The following AFP variants were observed in gnomAD, a reference collection of about 807,000 sequenced individuals.
AFP encodes alpha-fetoprotein.
AFP carries 64 observed loss-of-function variants against 78.9 expected under a neutral mutation model. The observed-to-expected ratio is 0.81, with a 90% CI of 0.66 to 1.00. AFP has a LOEUF of 1.00. Among genes scored for constraint, AFP ranks in the 50% least tolerant of loss-of-function variants. AFP has a pLI of 0.00. For missense variants in AFP, 689 were observed against 703.8 expected (o/e 0.98, Z 0.24); for synonymous variants, 254 against 243.8 (o/e 1.04, Z -0.39).
At chr4:73,440,516 T>G (rs998037874) in intron 3 of AFP, 86 bp from the exon 4 acceptor site, 4 of 1,093,802 alleles carry the variant, frequency 3.7e-6, no homozygotes, top group Non-Finnish European at 5.5e-6. Flanking sequence ...GTTCTGATTT[T>G]AGACATTAGA....
At position 73,447,475 on chromosome 4, in the gene AFP, C is replaced by T. The variant is rs1027150427; in HGVS notation, c.857C>T (p.Ser286Phe). The T allele has an allele frequency of 6.2e-7, 1 of 1,607,474 alleles. No individual in the cohort carries two copies. Among genetic ancestry groups the T allele is most frequent in the Non-Finnish European group, 8.5e-7 (1 of 1,176,866 alleles). The change falls in exon 8 of 15, where the codon TCC becomes TTC. Residue 286 changes from serine to phenylalanine, a missense_variant. By Grantham distance (155) the Ser-to-Phe change is radical (BLOSUM62 -2). Coordinates refer to ENST00000395792, the MANE Select transcript of AFP (RefSeq NM_001134.3). ...TCTCTGTTGCAGGAAAAAATCATGT[C>T]CTACATATGTTCTCAACAAGACACT... ...DCLQDGEKIM[S>F]YICSQQDTLS...
In AFP at chr4:73,438,204, A is replaced by G. The variant is rs1054237557; in HGVS notation, c.168A>G (p.Gln56=). Residue 56 remains glutamine, a synonymous_variant, in exon 3 of 15, where the codon CAA becomes CAG. Coordinates refer to ENST00000395792, the MANE Select transcript of AFP (RefSeq NM_001134.3). ...CCATATTTTTTGCCCAGTTTGTTCAAGAAGCCACTTACAAGGAAGTAAGCA... is the reference window on the plus strand; with the variant it reads ...CCATATTTTTTGCCCAGTTTGTTCAGGAAGCCACTTACAAGGAAGTAAGCA... ...LATIFFAQFV[Q]EATYKEVSKM... 1 of 1,613,532 alleles carries G rather than the reference A, an allele frequency of 6.2e-7. No homozygotes were observed. Among genetic ancestry groups the G allele is most frequent in the Non-Finnish European group, 8.5e-7 (1 of 1,179,532 alleles).
chr4:73,436,234 C>G lies in AFP; in HGVS notation c.-29C>G. The G allele has an allele frequency of 6.9e-7, 1 of 1,445,372 alleles. No individual in the cohort carries two copies. Among genetic ancestry groups the G allele is most frequent in the Non-Finnish European group, 9.7e-7 (1 of 1,028,900 alleles). 89.5% of individuals were successfully genotyped at this position (1,445,372 alleles called of 1,614,324 possible). On this transcript the variant is annotated 5_prime_UTR_variant, in exon 1 of 15. Coordinates refer to ENST00000395792, the MANE Select transcript of AFP (RefSeq NM_001134.3). ...ATGATTTTCCATATTGTGCTTCCAC[C>G]ACTGCCAATAACAAAATAACTAGCA...
chr4:73,445,442 TTTTCATTCATTTATTC>T (rs1371396395), intron 7 of AFP, among the ~76,000 whole-genome samples: 1 of 152,224 alleles, frequency 6.6e-6, no homozygotes, highest in African/African-American at 2.4e-5. Flanking sequence ...TGTATTTATT[TTTTCATTCATTTATTC>T]TTTCATTTGA....
rs747788767 is a variant in AFP at position 73,447,470 on chromosome 4, C to A, written c.852C>A (p.Ile284=). Residue 284 remains isoleucine, a synonymous_variant, in exon 8 of 15, where the codon ATC becomes ATA. Coordinates refer to ENST00000395792, the MANE Select transcript of AFP (RefSeq NM_001134.3). ...VLDCLQDGEK[I]MSYICSQQDT... ...TATTTTCTCTGTTGCAGGAAAAAAT[C>A]ATGTCCTACATATGTTCTCAACAAG... The A allele has an allele frequency of 1.6e-5, 25 of 1,603,516 alleles. No individual in the cohort carries two copies. The highest frequency in any genetic ancestry group is 2.0e-5 in the Non-Finnish European group (23 of 1,174,960).
At chr4:73,447,729 G>C in intron 8 of AFP, 53 bp downstream of exon 8, 1 of 1,435,162 alleles carries the variant, frequency 7.0e-7, no homozygotes, top group Non-Finnish European at 9.8e-7. Flanking sequence ...TTATGTGGCT[G>C]ACAGATTTGC....
At chr4:73,450,405 T>C (rs1719958687) in intron 10 of AFP, 1 of 703,846 alleles carries the variant, frequency 1.4e-6, no homozygotes, top group Non-Finnish European at 2.3e-6. Context: ...AGTTTGCTTT[T>C]TCATTGTGAT....
Position 73,443,452 on chromosome 4 carries a change from C to T in AFP, c.713+8C>T. Reference sequence around the variant, plus strand: ...CCGAACTTTCCAAGCCATGTAAGTTCAAGTTCTATCTAGGGAAGAGGGTGA... The same window carrying T: ...CCGAACTTTCCAAGCCATGTAAGTTTAAGTTCTATCTAGGGAAGAGGGTGA... On this transcript the variant is annotated splice_region_variant and intron_variant, in intron 6 of 14. Coordinates refer to ENST00000395792, the MANE Select transcript of AFP (RefSeq NM_001134.3). The T allele has an allele frequency of 6.3e-7, 1 of 1,587,704 alleles. No individual in the cohort carries two copies. The highest frequency in any genetic ancestry group is 8.6e-7 in the Non-Finnish European group (1 of 1,156,110).
chr4:73,447,651 G>A lies in AFP; in HGVS notation c.1033G>A (p.Gly345Arg). ...TAGAGATTTTAACCAATTTTCTTCA[G>A]GGGAAAAAAATATCTTCTTGGCAAG... Reference protein sequence around the residue: ...GDRDFNQFSSGEKNIFLASFV... With the variant: ...GDRDFNQFSSREKNIFLASFV... Residue 345 changes from glycine to arginine, a missense_variant, in exon 8 of 15, where the codon GGG becomes AGG. Coordinates refer to ENST00000395792, the MANE Select transcript of AFP (RefSeq NM_001134.3). The A allele has an allele frequency of 6.2e-7, 1 of 1,611,074 alleles. No individual in the cohort carries two copies. The highest frequency in any genetic ancestry group is 2.2e-5 in the East Asian group (1 of 44,854).
At chr4:73,447,431 T>C in intron 7 of AFP, 31 bp from the exon 8 acceptor site, 1 of 1,514,482 alleles carries the variant, frequency 6.6e-7, no homozygotes, top group Non-Finnish European at 9.0e-7. Context: ...AATAAATCTT[T>C]AAAACTTATA....
At chr4:73,442,125 T>C (rs1666747743) in intron 4 of AFP, among the ~76,000 whole-genome samples, 171 bp from the exon 5 acceptor site, 1 of 152,186 alleles carries the variant, frequency 6.6e-6, no homozygotes, top group Admixed American at 6.5e-5. Flanking sequence ...TTTGACAACA[T>C]GTGGAAAAAA....
At chr4:73,436,378 C>G in intron 1 of AFP, 31 bp downstream of exon 1, 1 of 1,288,784 alleles carries the variant, frequency 7.8e-7, no homozygotes, top group Non-Finnish European at 1.1e-6. Context: ...CTTGTCTTTT[C>G]TCTATATCAA....
intron 6 of AFP, among the ~76,000 whole-genome samples, chr4:73,444,780 C>T (rs1577954809): frequency 6.6e-6 from 1 of 152,196 alleles, no homozygotes; most frequent in East Asian, 1.9e-4. Context: ...TATTTCTAAA[C>T]CATTTGTGGG....
Position 73,442,418 on chromosome 4 carries a change from T to C in AFP, c.605T>C (p.Phe202Ser), listed in dbSNP as rs748674596. 3.7e-6 allele frequency: 6 copies of C among 1,614,016 alleles called. 1 individual carries two copies. Among genetic ancestry groups the C allele is most frequent in the Non-Finnish European group, 5.1e-6 (6 of 1,179,968 alleles). The change falls in exon 5 of 15, where the codon TTC becomes TCC. Residue 202 changes from phenylalanine (F) to serine (S), a missense_variant. Transcript: ENST00000395792. ...CCKAENAVEC[F>S]QTKAATVTKE... is the part of the protein sequence containing the mutation. Reference sequence around the variant, plus strand: ...AAAGCTGAAAATGCAGTTGAATGCTTCCAAACAAAGGTATCATATTTGCGT... The same window carrying C: ...AAAGCTGAAAATGCAGTTGAATGCTCCCAAACAAAGGTATCATATTTGCGT...
rs1435119057 is a variant in AFP at position 73,451,464 on chromosome 4, C to T, written c.1428+711C>T. 2.6e-5 allele frequency among the ~76,000 whole-genome samples: 4 copies of T among 152,086 alleles called. No individual in the cohort carries two copies. In the East Asian group the frequency reaches 5.8e-4, roughly 22 times the overall value. On this transcript the variant is annotated intron_variant, in intron 11 of 14. Coordinates refer to ENST00000395792, the MANE Select transcript of AFP (RefSeq NM_001134.3). ...TGGGGAGTTATTTGCTGTTAGTCTT[C>T]ATGTCATACATTTTTTCCCCAAAGG...
intron 6 of AFP, 56 bp downstream of exon 6, chr4:73,443,500 C>T: frequency 7.2e-7 from 1 of 1,391,790 alleles, no homozygotes; most frequent in South Asian, 1.2e-5. Context: ...TACCATTTTG[C>T]AATTTGGGTT....
intron 4 of AFP, among the ~76,000 whole-genome samples, chr4:73,441,864 A>C (rs1157844290): frequency 1.3e-5 from 2 of 152,190 alleles, no homozygotes; most frequent in African/African-American, 4.8e-5. Flanking sequence ...TGCCCTTAGA[A>C]CATCTCTGCT....
chr4:73,449,910 T>G, intron 9 of AFP, 126 bp from the exon 10 acceptor site: 1 of 670,034 alleles, frequency 1.5e-6, no homozygotes, highest in Admixed American at 3.0e-5. Context: ...ATTTACACTT[T>G]ACCATATTTA....
At chr4:73,447,437 T>G in intron 7 of AFP, 25 bp from the exon 8 acceptor site, 1 of 1,536,470 alleles carries the variant, frequency 6.5e-7, no homozygotes, top group Non-Finnish European at 8.9e-7. Flanking sequence ...TCTTTAAAAC[T>G]TATACTTTAT....
Sources: allele counts gnomAD v4.1 joint callset (sites outside exome capture counted in the v4.1 genomes callset), GRCh38; gene constraint gnomAD v4.1.1; transcripts MANE v1.5; gene names NCBI Gene and HGNC (gene_info 2026-07-23, HGNC 2026-07-21).